TUBGCP3: variants seen among roughly 807,000 people sequenced by gnomAD.
TUBGCP3 encodes the protein tubulin gamma complex component 3, also known as gamma-tubulin complex component 3.
Under a neutral mutation model 123.1 loss-of-function variants are expected in TUBGCP3, and 50 were observed. The ratio of observed to expected loss-of-function variants is 0.41; its 90% CI spans 0.32 to 0.51. TUBGCP3 has a LOEUF of 0.51. Among genes scored for constraint, TUBGCP3 ranks in the 20% least tolerant of loss-of-function variants. TUBGCP3 has a pLI of 0.36. For missense variants in TUBGCP3, 882 were observed against 1,127.0 expected, an observed-to-expected ratio of 0.78 and a Z score of 3.11; for synonymous variants, 405 against 413.9, an observed-to-expected ratio of 0.98 and a Z score of 0.26.
upstream of TUBGCP3, among the ~76,000 whole-genome samples, chr13:112,593,118 G>A (rs1033600486): frequency 3.9e-5 from 6 of 152,150 alleles, no homozygotes; most frequent in African/African-American, 1.4e-4. Flanking sequence ...AGAAGGAAGG[G>A]GAGTGAGATC....
Position 112,548,124 on chromosome 13 carries a change from G to C in TUBGCP3, c.1019C>G (p.Ser340Cys). 1 of 1,600,792 alleles carries C rather than the reference G, an allele frequency of 6.2e-7. No individual in the cohort carries two copies. The highest frequency in any genetic ancestry group is 8.5e-7 in the Non-Finnish European group (1 of 1,172,510). Reference protein sequence around the residue: ...QELREYYRLLSVLHSQLQLED... With the variant: ...QELREYYRLLCVLHSQLQLED... Reference sequence around the variant, plus strand: ...AATATTTACCTGAGAATGTAAAACAGAGAGCAATCGATAGTATTCTCTGAG... The same window carrying C: ...AATATTTACCTGAGAATGTAAAACACAGAGCAATCGATAGTATTCTCTGAG... Residue 340 changes from serine to cysteine, a missense_variant, in exon 9 of 22, where the codon TCT (serine) becomes TGT (cysteine). Transcript: ENST00000261965.
intron 11 of TUBGCP3, among the ~76,000 whole-genome samples, chr13:112,532,609 G>A (rs1465419845): frequency 6.6e-6 from 1 of 152,186 alleles, no homozygotes; most frequent in African/African-American, 2.4e-5. Context: ...GGGGGAAGAA[G>A]CCAGGTTAGC....
chr13:112,591,090 C>T (rs1189248216), upstream of TUBGCP3, among the ~76,000 whole-genome samples: 2 of 152,212 alleles, frequency 1.3e-5, no homozygotes, highest in Non-Finnish European at 1.5e-5. Flanking sequence ...GGAACACATA[C>T]TTCAGCCAGG....
At chr13:112,538,733 G>A (rs983070626) in intron 11 of TUBGCP3, among the ~76,000 whole-genome samples, 2 of 152,074 alleles carry the variant, frequency 1.3e-5, no homozygotes, top group Non-Finnish European at 2.9e-5. Context: ...ACTATGAGAT[G>A]AAAGATTATA....
rs542922152 is a variant in TUBGCP3, at chr13:112,540,658, A to G, written c.1335+5041T>C. On this transcript the variant is annotated intron_variant, in intron 11 of 21. Transcript: ENST00000261965. ...ATGAGGACGTCAATGTAGTAGCCCTATGAGCATTCAGATGGTCTTGGGAAA... is the reference window on the plus strand; with the variant it reads ...ATGAGGACGTCAATGTAGTAGCCCTGTGAGCATTCAGATGGTCTTGGGAAA... 4.4e-3 allele frequency among the ~76,000 whole-genome samples: 644 copies of G among 145,320 alleles called. 3 individuals are homozygous for G. Among genetic ancestry groups the G allele is most frequent in the Middle Eastern group, 7.9e-3 (2 of 252 alleles).
chr13:112,490,247 G>C (rs1256112698), intron 20 of TUBGCP3, among the ~76,000 whole-genome samples: 1 of 152,078 alleles, frequency 6.6e-6, no homozygotes. Context: ...AGCATATATA[G>C]GAATTATGTT....
rs1879634312 is a variant in TUBGCP3, at chr13:112,485,990, G to A, written c.*3C>T. 6.3e-7 allele frequency: 1 copy of A among 1,586,938 alleles called. No homozygotes were observed. The highest frequency in any genetic ancestry group is 8.6e-7 in the Non-Finnish European group (1 of 1,162,036). ...CCGCAGCTCCCTGGGAGGACCGCGA[G>A]CTTCACGTGTGGGAGCTGCGCCGCC... On this transcript the variant is annotated 3_prime_UTR_variant, in exon 22 of 22. Coordinates refer to ENST00000261965, the MANE Select transcript of TUBGCP3 (RefSeq NM_006322.6).
At chr13:112,557,935 C>T (rs1880177203) in intron 5 of TUBGCP3, among the ~76,000 whole-genome samples, 1 of 152,216 alleles carries the variant, frequency 6.6e-6, no homozygotes, top group Non-Finnish European at 1.5e-5. Flanking sequence ...CTTCAAGCTC[C>T]TTCGTGATGG....
chr13:112,578,558 CAAAAAAA>C (rs71131496), intron 1 of TUBGCP3, among the ~76,000 whole-genome samples: 21 of 24,912 alleles, frequency 8.4e-4, no homozygotes, highest in South Asian at 2.7e-3. Context: ...GACTCCGTCT[CAAAAAAA>C]AAAAAAAAAA....
At chr13:112,488,030 G>T (rs1424855007) in intron 21 of TUBGCP3, among the ~76,000 whole-genome samples, 2 of 151,550 alleles carry the variant, frequency 1.3e-5, no homozygotes, top group Non-Finnish European at 2.9e-5. Context: ...TACTCGGGAG[G>T]CTGAGGCAGT....
intron 10 of TUBGCP3, chr13:112,547,411 C>G: frequency 1.3e-6 from 1 of 785,266 alleles, no homozygotes; most frequent in South Asian, 5.2e-5. Flanking sequence ...ATCGAATCAA[C>G]ACGGCCATTA....
At chr13:112,534,436 A>G (rs376681784) in intron 11 of TUBGCP3, among the ~76,000 whole-genome samples, 5 of 152,230 alleles carry the variant, frequency 3.3e-5, no homozygotes, top group African/African-American at 4.8e-5. Context: ...GGTCCCAGCT[A>G]ATCAGGAGAC....
At chr13:112,522,288 A>C in intron 14 of TUBGCP3, 32 bp downstream of exon 14, 1 of 1,452,964 alleles carries the variant, frequency 6.9e-7, no homozygotes, top group Non-Finnish European at 9.3e-7. Flanking sequence ...CAAATATATT[A>C]CTTATTTATA....
chr13:112,591,630 G>A (rs968895693), upstream of TUBGCP3, among the ~76,000 whole-genome samples: 1 of 151,462 alleles, frequency 6.6e-6, no homozygotes, highest in Non-Finnish European at 1.5e-5. Context: ...TCCTCTTCAA[G>A]GACAAGAGTA....
intron 1 of TUBGCP3, among the ~76,000 whole-genome samples, chr13:112,576,579 A>G (rs1881829047): frequency 6.6e-6 from 1 of 152,210 alleles, no homozygotes; most frequent in South Asian, 2.1e-4. Context: ...ATCATTTCAC[A>G]ATCCATACAT....
chr13:112,552,856 G>T (rs1386213987), intron 8 of TUBGCP3, among the ~76,000 whole-genome samples: 5 of 137,184 alleles, frequency 3.6e-5, no homozygotes, highest in Non-Finnish European at 7.8e-5. Flanking sequence ...CACCAGCCAC[G>T]CTCCTCCCCA....
chr13:112,516,398 G>A (rs778599307), intron 17 of TUBGCP3, 42 bp downstream of exon 17: 26 of 1,522,562 alleles, frequency 1.7e-5, no homozygotes, highest in Middle Eastern at 2.3e-4. Flanking sequence ...GCTGGAGGCC[G>A]CTGGGAGTGT....
chr13:112,575,104 G>A (rs1048076782), intron 1 of TUBGCP3, among the ~76,000 whole-genome samples: 6 of 152,192 alleles, frequency 3.9e-5, no homozygotes, highest in African/African-American at 1.4e-4. Flanking sequence ...CTGGGGGTTC[G>A]GATTTTAGCC....
intron 17 of TUBGCP3, among the ~76,000 whole-genome samples, chr13:112,513,998 A>G (rs1247685420): frequency 1.3e-5 from 2 of 152,204 alleles, no homozygotes; most frequent in Non-Finnish European, 2.9e-5. Context: ...CAGCAAATTC[A>G]TGGCGTATCC....
Sources: allele counts gnomAD v4.1 joint callset (sites outside exome capture counted in the v4.1 genomes callset), GRCh38; gene constraint gnomAD v4.1.1; transcripts MANE v1.5; gene names NCBI Gene and HGNC (gene_info 2026-07-23, HGNC 2026-07-21).